Variants in IBTK observed in about 807,000 individuals in gnomAD.
IBTK encodes inhibitor of Bruton tyrosine kinase.
IBTK carries 83 observed loss-of-function variants against 154.9 expected under a neutral mutation model. The observed-to-expected ratio is 0.54, with a 90% CI of 0.45 to 0.64. IBTK has a LOEUF of 0.64. Ranked by LOEUF, IBTK falls within the 30% of genes least tolerant of loss-of-function variation. The probability of loss-of-function intolerance (pLI) is 0.00; values close to 1 mark genes in which losing one functional copy is unlikely to be tolerated. For synonymous variants in IBTK, 515 were observed against 536.1 expected (o/e 0.96, Z 0.54); for missense variants, 1,332 against 1,584.6 (o/e 0.84, Z 2.71).
At chr6:82,220,767 C>A in intron 8 of IBTK, 54 bp from the exon 9 acceptor site, 1 of 1,349,708 alleles carries the variant, frequency 7.4e-7, no homozygotes, top group Non-Finnish European at 9.9e-7. Context: ...ACTACACATG[C>A]CTAAACTTCA....
intron 3 of IBTK, among the ~76,000 whole-genome samples, chr6:82,232,445 T>G (rs908843347): frequency 5.9e-5 from 9 of 152,228 alleles, no homozygotes; most frequent in Non-Finnish European, 1.3e-4. Context: ...CCCATTAAAC[T>G]GGAATACAAA....
intron 21 of IBTK, among the ~76,000 whole-genome samples, chr6:82,198,237 T>G (rs1769072601): frequency 6.6e-6 from 1 of 152,168 alleles, no homozygotes; most frequent in South Asian, 2.1e-4. Context: ...TTTAGGTGAC[T>G]GGAAAGTCAT....
chr6:82,181,886 T>C lies in IBTK; in HGVS notation c.3718A>G (p.Ile1240Val). The part of the protein sequence containing the change: ...KGIENSQAPK[I>V]VRCSTHGTPG... ...TTAAGTTTGTTTTATTACCTGACAA[T>C]TTTTGGTGCCTGAGAATTTTCAATT... is the stretch of plus-strand genomic sequence containing the variant. The change falls in exon 26 of 29, where the codon ATT becomes GTT. Residue 1240 changes from isoleucine to valine, a missense_variant. Ile to Val is a conservative substitution (Grantham distance 29). Around this residue, in one of 3 missense-constraint regions of IBTK, gnomAD observed 1,134 missense variants for 1,274.7 expected, o/e 0.89. Coordinates refer to ENST00000306270, the MANE Select transcript of IBTK (RefSeq NM_015525.4). 6.4e-7 allele frequency: 1 copy of C among 1,574,784 alleles called. No homozygotes were observed. Among genetic ancestry groups the C allele is most frequent in the African/African-American group, 1.4e-5 (1 of 72,644 alleles).
At chr6:82,181,790 A>G (rs1182917257) in intron 26 of IBTK, 89 bp downstream of exon 26, 13 of 931,266 alleles carry the variant, frequency 1.4e-5, no homozygotes, top group Non-Finnish European at 2.0e-5. Flanking sequence ...AATCTGCCTC[A>G]TAAAGTTTTA....
chr6:82,231,661 C>G, intron 4 of IBTK, 57 bp downstream of exon 4: 2 of 1,360,272 alleles, frequency 1.5e-6, no homozygotes, highest in Non-Finnish European at 2.0e-6. Context: ...GCTGAACAAT[C>G]AAATACAAAA....
intron 3 of IBTK, 45 bp from the exon 4 acceptor site, chr6:82,231,887 C>A: frequency 8.9e-7 from 1 of 1,121,934 alleles, no homozygotes; most frequent in Non-Finnish European, 1.3e-6. Flanking sequence ...TTTTAAAACA[C>A]ATATAAGAAC....
At chr6:82,194,362 G>C in intron 23 of IBTK, 117 bp downstream of exon 23, 1 of 824,162 alleles carries the variant, frequency 1.2e-6, no homozygotes, top group Non-Finnish European at 1.7e-6. Context: ...GCAATTTTCT[G>C]TGCATTAGAA....
At chr6:82,204,829 A>T in intron 17 of IBTK, 28 bp downstream of exon 17, 5 of 1,296,034 alleles carry the variant, frequency 3.9e-6, no homozygotes, top group Non-Finnish European at 5.5e-6. Context: ...CTGAAAACAT[A>T]TTAATATTCA....
intron 25 of IBTK, among the ~76,000 whole-genome samples, chr6:82,187,510 G>C (rs978991624): frequency 3.9e-5 from 6 of 151,950 alleles, no homozygotes; most frequent in Non-Finnish European, 5.9e-5. Flanking sequence ...AACCCACAAG[G>C]GCAAAAATAA....
intron 27 of IBTK, 154 bp from the exon 28 acceptor site, chr6:82,172,666 T>G: frequency 1.7e-6 from 1 of 597,160 alleles, no homozygotes; most frequent in Non-Finnish European, 2.7e-6. Flanking sequence ...AATGATGAGT[T>G]TCACTCATCT....
chr6:82,187,821 T>C (rs1768608881), intron 25 of IBTK, among the ~76,000 whole-genome samples: 1 of 152,150 alleles, frequency 6.6e-6, no homozygotes. Flanking sequence ...ACATCTCCTT[T>C]ACTCTGGCAG....
chr6:82,213,551 A>T (rs1052783739), intron 12 of IBTK, among the ~76,000 whole-genome samples: 1 of 152,228 alleles, frequency 6.6e-6, no homozygotes, highest in Non-Finnish European at 1.5e-5. Flanking sequence ...TTATATTGAG[A>T]AACTGAAGTA....
chr6:82,196,171 T>A, intron 22 of IBTK, 127 bp downstream of exon 22: 1 of 733,024 alleles, frequency 1.4e-6, no homozygotes, highest in Non-Finnish European at 2.1e-6. Context: ...TAACACTATA[T>A]TTGTGATTCT....
chr6:82,230,783 A>T (rs1280192765), intron 4 of IBTK, among the ~76,000 whole-genome samples: 3 of 152,186 alleles, frequency 2.0e-5, no homozygotes, highest in African/African-American at 7.2e-5. Flanking sequence ...ACATATACAC[A>T]ATGTAATACA....
chr6:82,240,319 G>A lies in IBTK; in HGVS notation c.168C>T (p.Leu56=). 6.2e-7 allele frequency: 1 copy of A among 1,614,164 alleles called. No homozygotes were observed. The highest frequency in any genetic ancestry group is 8.5e-7 in the Non-Finnish European group (1 of 1,180,044). Residue 56 remains leucine (L), a synonymous_variant, in exon 2 of 29, where the codon CTC becomes CTT. Transcript: ENST00000306270. ...TCTTTCCACAGGAGGAAACAAGGTG[G>A]AGGGCATTCCTGCCAAAAACATCCT... ...TIKDVFGRNA[L]HLVSSCGKKG...
chr6:82,197,327 T>C (rs1475858542), intron 21 of IBTK, among the ~76,000 whole-genome samples: 2 of 152,102 alleles, frequency 1.3e-5, no homozygotes, highest in Middle Eastern at 3.4e-3. Flanking sequence ...TCACTACAAT[T>C]TGGAAAGAAC....
chr6:82,175,634 T>G (rs1768082066), intron 26 of IBTK, among the ~76,000 whole-genome samples: 1 of 152,190 alleles, frequency 6.6e-6, no homozygotes, highest in Admixed American at 6.5e-5. Flanking sequence ...TTTTCAACAT[T>G]AGCAACATAG....
intron 26 of IBTK, among the ~76,000 whole-genome samples, chr6:82,177,665 C>T (rs868580388): frequency 3.9e-5 from 6 of 152,066 alleles, no homozygotes; most frequent in South Asian, 2.1e-4. Context: ...TTGCCTGCCT[C>T]GGCCTCCCAA....
intron 3 of IBTK, among the ~76,000 whole-genome samples, chr6:82,232,675 G>A (rs1770552878): frequency 1.3e-5 from 2 of 152,044 alleles, no homozygotes; most frequent in Admixed American, 1.3e-4. Flanking sequence ...AAATCTCAAA[G>A]AGCAAACAAA....
Sources: allele counts gnomAD v4.1 joint callset (sites outside exome capture counted in the v4.1 genomes callset), GRCh38; gene constraint gnomAD v4.1.1; regional missense constraint gnomAD v4.1.1; transcripts MANE v1.5; gene names NCBI Gene and HGNC (gene_info 2026-07-23, HGNC 2026-07-21).